PPP2R2C: variants seen among roughly 807,000 people sequenced by gnomAD.
The protein encoded by PPP2R2C is protein phosphatase 2 regulatory subunit Bgamma, also known as protein phosphatase 2, regulatory subunit B, gamma.
In PPP2R2C, 10 loss-of-function variants were observed where a neutral mutation model predicts 45.3. The observed-to-expected ratio is 0.22, with a 90% CI of 0.14 to 0.37. The LOEUF (loss-of-function observed/expected upper bound fraction) is 0.37. Among genes scored for constraint, PPP2R2C ranks in the 10% least tolerant of loss-of-function variants. The pLI, the probability that PPP2R2C is intolerant of heterozygous loss-of-function variation, is 1.00. For synonymous variants in PPP2R2C, 257 were observed against 245.4 expected (o/e 1.05, Z -0.44); for missense variants, 308 against 619.7 (o/e 0.50, Z 5.34).
At chr4:6,431,394 G>A (rs1297781891) in intron 1 of PPP2R2C, among the ~76,000 whole-genome samples, 1 of 152,218 alleles carries the variant, frequency 6.6e-6, no homozygotes, top group African/African-American at 2.4e-5. Flanking sequence ...GACAAAATCA[G>A]GGGCAGGCCC....
At chr4:6,490,266 T>C (rs1722659008) in intron 2 of PPP2R2C, among the ~76,000 whole-genome samples, 1 of 152,138 alleles carries the variant, frequency 6.6e-6, no homozygotes, top group Non-Finnish European at 1.5e-5. Flanking sequence ...CCTCCATCTA[T>C]AAAGGGACTG....
intron 5 of PPP2R2C, among the ~76,000 whole-genome samples, chr4:6,355,191 T>C (rs1013973465): frequency 2.2e-5 from 3 of 139,322 alleles, no homozygotes. Flanking sequence ...AGGTGTTTAG[T>C]AAGTAGTTGC....
At chr4:6,483,845 T>G (rs1238870360) in intron 2 of PPP2R2C, among the ~76,000 whole-genome samples, 1 of 152,112 alleles carries the variant, frequency 6.6e-6, no homozygotes, top group Non-Finnish European at 1.5e-5. Context: ...CTAAGATATT[T>G]TTGACTAACT....
At chr4:6,372,447 A>T in intron 5 of PPP2R2C, 76 bp downstream of exon 5, 1 of 1,504,546 alleles carries the variant, frequency 6.6e-7, no homozygotes, top group East Asian at 2.3e-5. Flanking sequence ...GCTGTCTGCC[A>T]ATCAAACCAA....
chr4:6,390,339 C>G (rs143639385), intron 1 of PPP2R2C, among the ~76,000 whole-genome samples: 1 of 152,170 alleles, frequency 6.6e-6, no homozygotes, highest in African/African-American at 2.4e-5. Context: ...GACAGCTCTA[C>G]AGGAAACTTC....
At chr4:6,549,646 A>G (rs1357761170) in intron 1 of PPP2R2C, among the ~76,000 whole-genome samples, 2 of 152,202 alleles carry the variant, frequency 1.3e-5, no homozygotes, top group East Asian at 1.9e-4. Context: ...GGCTCTGATG[A>G]CACCTGCTGG....
intron 1 of PPP2R2C, among the ~76,000 whole-genome samples, chr4:6,456,624 C>G (rs756183273): frequency 6.6e-6 from 1 of 152,196 alleles, no homozygotes; most frequent in African/African-American, 2.4e-5. Flanking sequence ...GGATTGCTCC[C>G]GAAGCAGACA....
At chr4:6,433,085 T>G (rs1225303430) in intron 1 of PPP2R2C, among the ~76,000 whole-genome samples, 1 of 152,178 alleles carries the variant, frequency 6.6e-6, no homozygotes, top group African/African-American at 2.4e-5. Flanking sequence ...AAAATGTATG[T>G]TTATCAACTG....
At chr4:6,371,163 G>A (rs917335887) in intron 5 of PPP2R2C, among the ~76,000 whole-genome samples, 4 of 152,184 alleles carry the variant, frequency 2.6e-5, no homozygotes, top group African/African-American at 9.7e-5. Context: ...CTCACCCAGG[G>A]TCACAAAGCT....
At position 6,378,218 on chromosome 4, in the gene PPP2R2C, C is replaced by A. The variant is rs1715499514; in HGVS notation, c.334+189G>T. 1.3e-6 allele frequency: 1 copy of A among 776,516 alleles called. No homozygotes were observed. Among genetic ancestry groups the A allele is most frequent in the Admixed American group, 6.3e-5 (1 of 15,974 alleles). The allele number at this position is 776,516 out of a possible 1,614,324, so 48.1% of individuals were successfully genotyped here. On this transcript the variant is annotated intron_variant, in intron 3 of 8. Transcript: ENST00000382599. The surrounding 1 kb of genome is among the most constrained non-coding windows in gnomAD (Gnocchi z 5.2). ...AAAGGGGGGCAGCCCTGTGTCCAGA[C>A]ACAGGGAGCGTCTGAGGGGGTCTGG... is the stretch of plus-strand genomic sequence containing the variant.
rs1732155843 is a variant in PPP2R2C, at chr4:6,328,720, G to C, written c.1052+542C>G. 6.6e-6 allele frequency among the ~76,000 whole-genome samples: 1 copy of C among 152,204 alleles called. No individual in the cohort carries two copies. Among genetic ancestry groups the C allele is most frequent in the African/African-American group, 2.4e-5 (1 of 41,446 alleles). On this transcript the variant is annotated intron_variant, in intron 8 of 8. Coordinates refer to ENST00000382599, the MANE Select transcript of PPP2R2C (RefSeq NM_020416.4). The surrounding 1 kb of genome is among the most constrained non-coding windows in gnomAD (Gnocchi z 4.4). ...GGCAGGTGGGGTTGAGAGACGGCTG[G>C]ACTTGTGGATTGTGACAAGCCCTGG...
chr4:6,420,543 C>T (rs930495971), intron 1 of PPP2R2C, among the ~76,000 whole-genome samples: 1 of 152,146 alleles, frequency 6.6e-6, no homozygotes, highest in Non-Finnish European at 1.5e-5. Context: ...CTTGGGAATC[C>T]AGAGGCACCC....
At chr4:6,497,474 G>GA (rs1355640459) in intron 2 of PPP2R2C, among the ~76,000 whole-genome samples, 5 of 150,284 alleles carry the variant, frequency 3.3e-5, no homozygotes, top group East Asian at 2.0e-4. Flanking sequence ...TTTTGGAAAA[G>GA]AAAAAAAAAT....
chr4:6,412,475 C>T (rs1718254152), intron 1 of PPP2R2C, among the ~76,000 whole-genome samples: 1 of 152,192 alleles, frequency 6.6e-6, no homozygotes. Context: ...ACACAGCAGG[C>T]ATGTAGATGC....
chr4:6,459,694 C>A (rs1189925721), intron 1 of PPP2R2C, among the ~76,000 whole-genome samples: 1 of 152,060 alleles, frequency 6.6e-6, no homozygotes, highest in East Asian at 1.9e-4. Context: ...GACTGAGAGA[C>A]AAGAATTGCT....
intron 1 of PPP2R2C, among the ~76,000 whole-genome samples, chr4:6,444,983 C>T (rs1167965370): frequency 6.6e-6 from 1 of 152,052 alleles, no homozygotes; most frequent in Non-Finnish European, 1.5e-5. Context: ...CTAGGGGTTC[C>T]AGATCAGTCT....
At chr4:6,327,348 G>A (rs908975671) in intron 8 of PPP2R2C, among the ~76,000 whole-genome samples, 3 of 152,154 alleles carry the variant, frequency 2.0e-5, no homozygotes, top group Non-Finnish European at 2.9e-5. Flanking sequence ...AGGAAGTGGC[G>A]GGTGGGAGGC....
intron 2 of PPP2R2C, among the ~76,000 whole-genome samples, chr4:6,512,609 T>C (rs62286141): frequency 0.41 from 43,991 of 106,166 alleles, 10,195 homozygotes; most frequent in Non-Finnish European, 0.55. Flanking sequence ...GTGGTGGTGA[T>C]TATGGTGGTA....
intron 2 of PPP2R2C, among the ~76,000 whole-genome samples, chr4:6,519,956 G>A (rs1723961460): frequency 6.6e-6 from 1 of 152,278 alleles, no homozygotes; most frequent in Non-Finnish European, 1.5e-5. Context: ...CCTGGGGTGA[G>A]CTGCTTTGCC....
Sources: gnomAD v4.1 joint callset for allele counts (sites outside exome capture counted in the v4.1 genomes callset) on GRCh38, gnomAD v4.1.1 for gene constraint, Gnocchi (gnomAD v3.1) non-coding constraint, MANE v1.5 for transcripts, NCBI Gene and HGNC (gene_info 2026-07-23, HGNC 2026-07-21) for gene names.